The following OLFM3 variants were observed in gnomAD, a reference collection of about 807,000 sequenced individuals.
OLFM3 encodes the protein noelin-3.
OLFM3 carries 20 observed loss-of-function variants against 48.6 expected under a neutral mutation model. That is an observed-to-expected ratio of 0.41 (90% CI 0.29 to 0.60). The LOEUF (loss-of-function observed/expected upper bound fraction) is 0.60, where lower values mean the gene tolerates loss of function less well. Ranked by LOEUF, OLFM3 falls within the 20% of genes least tolerant of loss-of-function variation. OLFM3 has a pLI of 0.28. For missense variants in OLFM3, 437 were observed against 544.3 expected (o/e 0.80, Z 1.96); for synonymous variants, 222 against 198.1 (o/e 1.12, Z -1.01).
At chr1:101,888,855 A>T (rs1310686242) in intron 1 of OLFM3, among the ~76,000 whole-genome samples, 2 of 152,196 alleles carry the variant, frequency 1.3e-5, no homozygotes, top group East Asian at 3.9e-4. Flanking sequence ...ATGAACAGAC[A>T]CTTCTCAAAA....
At chr1:101,818,323 GATAA>G (rs1654434749) in intron 4 of OLFM3, among the ~76,000 whole-genome samples, 1 of 151,938 alleles carries the variant, frequency 6.6e-6, no homozygotes, top group Admixed American at 6.6e-5. Flanking sequence ...GAGGATTAAT[GATAA>G]ATAAATATAT....
intron 3 of OLFM3, among the ~76,000 whole-genome samples, chr1:101,829,814 A>G (rs957116657): frequency 6.6e-6 from 1 of 152,024 alleles, no homozygotes; most frequent in African/African-American, 2.4e-5. Flanking sequence ...CTGAGATTGC[A>G]TTAGCAGACC....
intron 2 of OLFM3, among the ~76,000 whole-genome samples, chr1:101,832,935 A>G (rs1570537388): frequency 6.6e-6 from 1 of 152,240 alleles, no homozygotes; most frequent in Non-Finnish European, 1.5e-5. Flanking sequence ...AATGCTTTCA[A>G]CATAACTTTC....
intron 4 of OLFM3, among the ~76,000 whole-genome samples, chr1:101,815,627 A>G (rs1654300705): frequency 6.6e-6 from 1 of 152,118 alleles, no homozygotes. Context: ...AAAAATAATC[A>G]AAGATAACAT....
chr1:101,973,891 C>G (rs11164355), intron 1 of OLFM3, among the ~76,000 whole-genome samples: 37,640 of 151,882 alleles, frequency 0.25, 5,204 homozygotes, highest in Middle Eastern at 0.36. Flanking sequence ...ATAAAAAGAG[C>G]AGAGGAAAAA....
intron 1 of OLFM3, among the ~76,000 whole-genome samples, chr1:101,907,109 A>C (rs1658579752): frequency 6.6e-6 from 1 of 152,228 alleles, no homozygotes; most frequent in Non-Finnish European, 1.5e-5. Context: ...ATGTGCTCTT[A>C]GACCAGGTTT....
intron 1 of OLFM3, among the ~76,000 whole-genome samples, chr1:101,902,378 G>A (rs1658416080): frequency 6.6e-6 from 1 of 151,994 alleles, no homozygotes; most frequent in Admixed American, 6.6e-5. Flanking sequence ...AAGCTTGGCA[G>A]CAAGACAGGG....
intron 1 of OLFM3, among the ~76,000 whole-genome samples, chr1:101,946,123 G>A (rs1659956021): frequency 6.6e-6 from 1 of 152,148 alleles, no homozygotes; most frequent in African/African-American, 2.4e-5. Flanking sequence ...GCATTCTTAA[G>A]TTTGCAGATC....
intron 1 of OLFM3, among the ~76,000 whole-genome samples, chr1:101,979,035 T>C (rs535663179): frequency 7.7e-4 from 118 of 152,304 alleles, no homozygotes; most frequent in African/African-American, 2.8e-3. Context: ...AATTTTATTT[T>C]TGGTCTTAGA....
chr1:101,969,274 G>A (rs1470836304), intron 1 of OLFM3, among the ~76,000 whole-genome samples: 2 of 151,480 alleles, frequency 1.3e-5, no homozygotes, highest in Non-Finnish European at 2.9e-5. Flanking sequence ...CTTAGCCCCT[G>A]AGTAGCTGGG....
intron 1 of OLFM3, among the ~76,000 whole-genome samples, chr1:101,880,434 CT>C (rs200626948): frequency 6.6e-6 from 1 of 151,680 alleles, no homozygotes; most frequent in Non-Finnish European, 1.5e-5. Flanking sequence ...CTCTTTAAAT[CT>C]TTTTTTTAAA....
At chr1:101,931,272 T>A (rs1446576664) in intron 1 of OLFM3, among the ~76,000 whole-genome samples, 1 of 152,180 alleles carries the variant, frequency 6.6e-6, no homozygotes, top group Non-Finnish European at 1.5e-5. Flanking sequence ...TTTTTTCTCA[T>A]TACTTAGGAC....
At chr1:101,815,686 G>A (rs913904311) in intron 4 of OLFM3, among the ~76,000 whole-genome samples, 3 of 152,060 alleles carry the variant, frequency 2.0e-5, no homozygotes, top group Non-Finnish European at 4.4e-5. Context: ...TCATTTACTC[G>A]GATGAAATGA....
At chr1:101,957,372 C>G (rs1660329952) in intron 1 of OLFM3, among the ~76,000 whole-genome samples, 1 of 151,936 alleles carries the variant, frequency 6.6e-6, no homozygotes, top group African/African-American at 2.4e-5. Flanking sequence ...AATTATCCAC[C>G]TTTAGCTCAC....
intron 1 of OLFM3, among the ~76,000 whole-genome samples, chr1:101,980,615 CA>C (rs1661082218): frequency 6.6e-6 from 1 of 152,156 alleles, no homozygotes; most frequent in South Asian, 2.1e-4. Flanking sequence ...TGAGTCAATT[CA>C]ACCTATTTCC....
At chr1:101,960,656 T>A (rs927201480) in intron 1 of OLFM3, among the ~76,000 whole-genome samples, 15 of 152,176 alleles carry the variant, frequency 9.9e-5, no homozygotes, top group African/African-American at 3.6e-4. Flanking sequence ...CCTTATTAAT[T>A]CTCATTTTAT....
At chr1:101,915,407 A>G (rs1658891906) in intron 1 of OLFM3, among the ~76,000 whole-genome samples, 1 of 152,054 alleles carries the variant, frequency 6.6e-6, no homozygotes, top group Admixed American at 6.6e-5. Context: ...GCACCAATAA[A>G]TAAAGTTGCA....
At chr1:101,871,847 T>C (rs749141623) in intron 1 of OLFM3, among the ~76,000 whole-genome samples, 1 of 152,062 alleles carries the variant, frequency 6.6e-6, no homozygotes, top group Non-Finnish European at 1.5e-5. Flanking sequence ...ATTTAAAACA[T>C]ATGTATTTTA....
chr1:101,960,009 A>C (rs952874926), intron 1 of OLFM3, among the ~76,000 whole-genome samples: 1 of 152,158 alleles, frequency 6.6e-6, no homozygotes, highest in Non-Finnish European at 1.5e-5. Context: ...TAGAGGATAA[A>C]AGTGTTTCTT....
Sources: gnomAD v4.1 joint callset for allele counts (sites outside exome capture counted in the v4.1 genomes callset) on GRCh38, gnomAD v4.1.1 for gene constraint, MANE v1.5 for transcripts, NCBI Gene and HGNC (gene_info 2026-07-23, HGNC 2026-07-21) for gene names.